VAMP7: variants seen among roughly 807,000 people sequenced by gnomAD.
The protein encoded by VAMP7 is vesicle-associated membrane protein 7.
Under a neutral mutation model 29.6 loss-of-function variants are expected in VAMP7, and 14 were observed. That is an observed-to-expected ratio of 0.47 (90% CI 0.31 to 0.74). VAMP7 has a LOEUF of 0.74. Among genes scored for constraint, VAMP7 ranks in the 30% least tolerant of loss-of-function variants. The pLI is 0.05. For synonymous variants in VAMP7, 95 were observed against 88.1 expected, an observed-to-expected ratio of 1.08 and a Z score of -0.44; for missense variants, 223 against 262.4, an observed-to-expected ratio of 0.85 and a Z score of 1.04.
At chrX:155,934,380 C>G (rs979511455) in intron 6 of VAMP7, among the ~76,000 whole-genome samples, 11 of 152,006 alleles carry the variant, frequency 7.2e-5, no homozygotes, top group Non-Finnish European at 1.0e-4. Flanking sequence ...GAATCTGGGT[C>G]CTCCTGTATT....
At chrX:155,939,874 A>T in intron 7 of VAMP7, 81 bp downstream of exon 7, 1 of 1,168,910 alleles carries the variant, frequency 8.6e-7, no homozygotes, top group Non-Finnish European at 1.3e-6. Flanking sequence ...CTCAATGATT[A>T]ACACTCTGAA....
chrX:155,938,010 TATTAAA>T (rs1225348645), intron 6 of VAMP7, among the ~76,000 whole-genome samples: 1 of 152,226 alleles, frequency 6.6e-6, no homozygotes, highest in African/African-American at 2.4e-5. Flanking sequence ...TATGCCATTT[TATTAAA>T]ATATAGTTTT....
At chrX:155,927,158 G>C (rs2066479242) in intron 6 of VAMP7, among the ~76,000 whole-genome samples, 1 of 151,964 alleles carries the variant, frequency 6.6e-6, no homozygotes, top group South Asian at 2.1e-4. Context: ...CTCCTAAGTG[G>C]GAGTTGAACA....
intron 5 of VAMP7, among the ~76,000 whole-genome samples, chrX:155,912,349 G>A (rs1378323682): frequency 3.3e-5 from 5 of 151,990 alleles, no homozygotes; most frequent in Admixed American, 6.6e-5. Flanking sequence ...CAATTTCTAT[G>A]TTACACATTT....
At chrX:155,897,989 G>A in intron 3 of VAMP7, 123 bp from the exon 4 acceptor site, 2 of 1,252,188 alleles carry the variant, frequency 1.6e-6, no homozygotes, top group African/African-American at 1.5e-5. Context: ...TAGGATCAAT[G>A]CTAGTTCCTC....
At chrX:155,891,477 G>T (rs778332699) in intron 2 of VAMP7, among the ~76,000 whole-genome samples, 76 of 152,216 alleles carry the variant, frequency 5.0e-4, no homozygotes, top group Non-Finnish European at 8.2e-4. Flanking sequence ...TAAAGTAAAA[G>T]ATAAGTCATA....
chrX:155,900,770 A>G (rs183574811), intron 5 of VAMP7, among the ~76,000 whole-genome samples, 183 bp downstream of exon 5: 1 of 152,244 alleles, frequency 6.6e-6, no homozygotes, highest in East Asian at 1.9e-4. Context: ...TTGTCCTTGC[A>G]ACTATTCTTC....
At chrX:155,920,676 A>AT (rs2066382273) in intron 6 of VAMP7, among the ~76,000 whole-genome samples, 1 of 151,916 alleles carries the variant, frequency 6.6e-6, no homozygotes, top group African/African-American at 2.4e-5. Context: ...CCTTAGGCAA[A>AT]TGACTTAACC....
chrX:155,882,495 CTT>C (rs1351121747), intron 1 of VAMP7, among the ~76,000 whole-genome samples: 1 of 152,156 alleles, frequency 6.6e-6, no homozygotes, highest in Non-Finnish European at 1.5e-5. Flanking sequence ...TGTAACATGA[CTT>C]TTCGTAAACA....
Position 155,943,033 on chromosome X carries a change from A to G in VAMP7, c.*1082A>G, listed in dbSNP as rs2066769859. ...TTTTGTGAAACTTGAAAGAGAATAG[A>G]CAGTATGACATATAGAATTAATACA... On this transcript the variant is annotated 3_prime_UTR_variant, in exon 8 of 8. Coordinates refer to ENST00000286448, the MANE Select transcript of VAMP7 (RefSeq NM_005638.6). The G allele has an allele frequency of 6.6e-6, 1 of 151,316 alleles. No individual in the cohort carries two copies. The highest frequency in any genetic ancestry group is 2.4e-5 in the African/African-American group (1 of 41,082). The allele number at this position is 151,316 out of a possible 1,614,324, so 9.4% of individuals were successfully genotyped here.
chrX:155,911,572 A>G (rs1188876703), intron 5 of VAMP7, among the ~76,000 whole-genome samples: 1 of 152,026 alleles, frequency 6.6e-6, no homozygotes, highest in Non-Finnish European at 1.5e-5. Flanking sequence ...ATACATTCTT[A>G]TGATCCATGA....
At chrX:155,926,056 G>A (rs1485545350) in intron 6 of VAMP7, among the ~76,000 whole-genome samples, 1 of 152,096 alleles carries the variant, frequency 6.6e-6, no homozygotes, top group African/African-American at 2.4e-5. Context: ...CTATCTTCCA[G>A]GTTTGTTGTT....
intron 5 of VAMP7, among the ~76,000 whole-genome samples, chrX:155,915,942 T>C (rs2066305926): frequency 6.6e-6 from 1 of 152,164 alleles, no homozygotes; most frequent in Admixed American, 6.6e-5. Context: ...CTCAATCTAA[T>C]ATTGACAGTG....
At chrX:155,897,909 A>G (rs2066007737) in intron 3 of VAMP7, among the ~76,000 whole-genome samples, 1 of 152,080 alleles carries the variant, frequency 6.6e-6, no homozygotes, top group Admixed American at 6.6e-5. Context: ...CAGCTCTTTC[A>G]TTTACTAGTT....
At chrX:155,886,513 G>A (rs2065867436) in intron 1 of VAMP7, among the ~76,000 whole-genome samples, 1 of 152,130 alleles carries the variant, frequency 6.6e-6, no homozygotes, top group African/African-American at 2.4e-5. Context: ...TCTGAATAAT[G>A]TGCTCCCTGT....
At chrX:155,886,972 C>A (rs1215943520) in intron 1 of VAMP7, among the ~76,000 whole-genome samples, 1 of 152,158 alleles carries the variant, frequency 6.6e-6, no homozygotes, top group Non-Finnish European at 1.5e-5. Flanking sequence ...GTTCCAGGGA[C>A]CATATGATTT....
intron 5 of VAMP7, among the ~76,000 whole-genome samples, chrX:155,918,745 TC>T (rs2066349821): frequency 6.6e-6 from 1 of 152,176 alleles, no homozygotes; most frequent in Non-Finnish European, 1.5e-5. Flanking sequence ...CCAGAGCTGT[TC>T]CTATTCGGTC....
At chrX:155,890,159 C>T (rs945550600) in intron 2 of VAMP7, among the ~76,000 whole-genome samples, 1 of 151,684 alleles carries the variant, frequency 6.6e-6, no homozygotes, top group Non-Finnish European at 1.5e-5. Context: ...GATCATAGGG[C>T]GGGCATATTT....
Position 155,892,733 on chromosome X carries a change from T to C in VAMP7, c.147-2890T>C, listed in dbSNP as rs183131402. ...CTAGTTTGTTCATATTGTAACACTT[T>C]TCACACTGTATTATTATTATTATTA... On this transcript the variant is annotated intron_variant, in intron 2 of 7. Coordinates refer to ENST00000286448, the MANE Select transcript of VAMP7 (RefSeq NM_005638.6). Among the ~76,000 whole-genome samples the C allele has an allele frequency of 7.0e-3, 971 of 138,200 alleles. 15 individuals are homozygous for C. The highest frequency in any genetic ancestry group is 0.026 in the African/African-American group (927 of 35,320). The allele number at this position is 138,200 out of a possible 152,430, so 90.7% of individuals were successfully genotyped here.
Sources: allele counts gnomAD v4.1 joint callset (sites outside exome capture counted in the v4.1 genomes callset), GRCh38; gene constraint gnomAD v4.1.1; transcripts MANE v1.5; gene names NCBI Gene and HGNC (gene_info 2026-07-23, HGNC 2026-07-21).